CCDC7: variants seen among roughly 807,000 people sequenced by gnomAD.
CCDC7 encodes the protein coiled-coil domain containing 7, also known as coiled-coil domain-containing protein 7.
In CCDC7, 183 loss-of-function variants were observed where a neutral mutation model predicts 196.9. The observed-to-expected ratio is 0.93, with a 90% CI of 0.82 to 1.05. CCDC7 has a LOEUF of 1.05. CCDC7 is among the 50% of genes least tolerant of loss of function. CCDC7 has a pLI of 0.00. For synonymous variants in CCDC7, 525 were observed against 484.6 expected (o/e 1.08, Z -1.10); for missense variants, 1,540 against 1,482.2 (o/e 1.04, Z -0.64).
intron 25 of CCDC7, among the ~76,000 whole-genome samples, chr10:32,714,541 G>A (rs2081302378): frequency 6.6e-6 from 1 of 152,192 alleles, no homozygotes; most frequent in Non-Finnish European, 1.5e-5. Context: ...TGGAATGCCA[G>A]TGAGACAGAA....
intron 9 of CCDC7, among the ~76,000 whole-genome samples, chr10:32,504,178 C>T (rs995987734): frequency 5.4e-5 from 7 of 129,670 alleles, no homozygotes; most frequent in African/African-American, 1.8e-4. Context: ...AGTGCAGTGG[C>T]GCGATCTTGG....
intron 18 of CCDC7, among the ~76,000 whole-genome samples, chr10:32,632,609 T>G (rs2065031182): frequency 6.6e-6 from 1 of 152,130 alleles, no homozygotes; most frequent in African/African-American, 2.4e-5. Flanking sequence ...TCACTTTAGC[T>G]GCATCCCATA....
chr10:32,737,301 T>C (rs1000309044), intron 28 of CCDC7, among the ~76,000 whole-genome samples: 1 of 152,198 alleles, frequency 6.6e-6, no homozygotes, highest in Non-Finnish European at 1.5e-5. Flanking sequence ...TCATGAGAGA[T>C]GTTGGTTTGT....
At chr10:32,881,183 G>A (rs541564517), downstream of CCDC7, among the ~76,000 whole-genome samples, 1 of 152,240 alleles carries the variant, frequency 6.6e-6, no homozygotes, top group East Asian at 1.9e-4. Flanking sequence ...CAGGTGCAGA[G>A]ACAAAAGGTA....
intron 13 of CCDC7, among the ~76,000 whole-genome samples, chr10:32,558,731 C>T (rs1193968426): frequency 6.6e-6 from 1 of 152,158 alleles, no homozygotes; most frequent in Non-Finnish European, 1.5e-5. Flanking sequence ...CAGCTCCCAG[C>T]GTGAGTGACG....
intron 25 of CCDC7, among the ~76,000 whole-genome samples, chr10:32,718,165 C>T (rs531567131): frequency 6.6e-6 from 1 of 152,086 alleles, no homozygotes; most frequent in Non-Finnish European, 1.5e-5. Context: ...TCCAGCTGCA[C>T]GTTAAAAAGC....
At chr10:32,616,322 C>T (rs1367478293) in intron 18 of CCDC7, among the ~76,000 whole-genome samples, 1 of 151,870 alleles carries the variant, frequency 6.6e-6, no homozygotes, top group Non-Finnish European at 1.5e-5. Flanking sequence ...TTTGCATAGT[C>T]TGTGATTTCT....
chr10:32,744,553 A>G (rs1291171979), intron 28 of CCDC7, among the ~76,000 whole-genome samples: 2 of 152,206 alleles, frequency 1.3e-5, no homozygotes, highest in Non-Finnish European at 2.9e-5. Flanking sequence ...GTTCTAATGC[A>G]CAATTTCCTA....
At chr10:32,754,473 T>C (rs2076110342) in intron 28 of CCDC7, among the ~76,000 whole-genome samples, 1 of 152,148 alleles carries the variant, frequency 6.6e-6, no homozygotes. Flanking sequence ...CCAATCAAAA[T>C]ACCAGTGGTT....
intron 18 of CCDC7, among the ~76,000 whole-genome samples, chr10:32,613,279 G>A (rs745531696): frequency 3.9e-5 from 6 of 151,906 alleles, no homozygotes; most frequent in East Asian, 3.9e-4. Flanking sequence ...CCCCTTTATC[G>A]ATTTTATTGT....
chr10:32,830,143 C>CATATATGGATATATATATATATATATATA (rs2091996967), intron 32 of CCDC7, among the ~76,000 whole-genome samples: 6 of 22,414 alleles, frequency 2.7e-4, no homozygotes, highest in Non-Finnish European at 5.5e-4. Flanking sequence ...TATATATATC[C>CATATATGGATATATATATATATATATATA]TATTAGTTCT....
At chr10:32,828,460 A>AGG (rs2091538193) in intron 32 of CCDC7, among the ~76,000 whole-genome samples, 3 of 87,916 alleles carry the variant, frequency 3.4e-5, no homozygotes, top group Non-Finnish European at 5.2e-5. Flanking sequence ...GAAGAAGAAG[A>AGG]AGAAGAGGAA....
chr10:32,747,387 G>T (rs1807685721), intron 28 of CCDC7, among the ~76,000 whole-genome samples: 1 of 152,128 alleles, frequency 6.6e-6, no homozygotes, highest in South Asian at 2.1e-4. Context: ...AAATTAAGGA[G>T]CTTCTGCACA....
chr10:32,451,775 C>G (rs1317694408), exon 1 of CCDC7: 6 of 1,613,982 alleles, frequency 3.7e-6, no homozygotes, highest in Non-Finnish European at 5.1e-6. Context: ...AAAATTAATT[C>G]ATGATAAAAT....
At chr10:32,840,667 C>A (rs1008152120) in intron 33 of CCDC7, among the ~76,000 whole-genome samples, 2 of 151,518 alleles carry the variant, frequency 1.3e-5, no homozygotes, top group African/African-American at 4.9e-5. Context: ...GCCAGTATCA[C>A]CCTAATACCA....
chr10:32,626,648 G>C (rs931836078), intron 18 of CCDC7, among the ~76,000 whole-genome samples: 2 of 151,932 alleles, frequency 1.3e-5, no homozygotes, highest in African/African-American at 2.4e-5. Flanking sequence ...CCAATGCTGT[G>C]CAGCTTTTAC....
intron 13 of CCDC7, among the ~76,000 whole-genome samples, chr10:32,551,193 G>A (rs1203254653): frequency 1.3e-5 from 2 of 152,088 alleles, no homozygotes; most frequent in African/African-American, 4.8e-5. Flanking sequence ...GCATAAAAGT[G>A]TTCATAGTAG....
chr10:32,486,148 C>G (rs180835256), intron 8 of CCDC7, among the ~76,000 whole-genome samples: 2 of 152,148 alleles, frequency 1.3e-5, no homozygotes, highest in Admixed American at 6.5e-5. Context: ...CTTTCTAGGT[C>G]TCCAAGGACT....
At chr10:32,787,944 C>T (rs1442642199) in intron 29 of CCDC7, among the ~76,000 whole-genome samples, 1 of 152,132 alleles carries the variant, frequency 6.6e-6, no homozygotes, top group Non-Finnish European at 1.5e-5. Context: ...TGGCACCAGT[C>T]CAGCTCCCAC....
Sources: allele counts gnomAD v4.1 joint callset (sites outside exome capture counted in the v4.1 genomes callset), GRCh38; gene constraint gnomAD v4.1.1; transcripts MANE v1.5; gene names NCBI Gene and HGNC (gene_info 2026-07-23, HGNC 2026-07-21).